Variants in CABLES1 observed in about 807,000 individuals in gnomAD.
The protein encoded by CABLES1 is Cdk5 and Abl enzyme substrate 1, also known as CDK5 and ABL1 enzyme substrate 1.
In CABLES1, 36 loss-of-function variants were observed where a neutral mutation model predicts 57.8. That is an observed-to-expected ratio of 0.62 (90% CI 0.48 to 0.82). The LOEUF is 0.82. Among genes scored for constraint, CABLES1 ranks in the 40% least tolerant of loss-of-function variants. CABLES1 has a pLI of 0.00. For missense variants in CABLES1, 767 were observed against 836.6 expected (o/e 0.92, Z 1.03); for synonymous variants, 374 against 363.0 (o/e 1.03, Z -0.35).
chr18:23,200,291 A>G (rs1326789218), intron 3 of CABLES1, among the ~76,000 whole-genome samples: 5 of 151,368 alleles, frequency 3.3e-5, no homozygotes, highest in Admixed American at 1.3e-4. Context: ...ATGGAGTCTC[A>G]CTCTGTCTCC....
chr18:23,224,975 C>T (rs563748494), intron 4 of CABLES1, among the ~76,000 whole-genome samples: 174 of 152,274 alleles, frequency 1.1e-3, no homozygotes, highest in African/African-American at 4.0e-3. Flanking sequence ...TCAAGCGATC[C>T]TCCTACCTCA....
chr18:23,187,548 G>A (rs980443675), intron 1 of CABLES1, among the ~76,000 whole-genome samples: 4 of 152,214 alleles, frequency 2.6e-5, no homozygotes, highest in African/African-American at 4.8e-5. Context: ...CACCACACCC[G>A]GCTAATTTTT....
chr18:23,143,953 C>T (rs763509175), intron 1 of CABLES1, among the ~76,000 whole-genome samples: 24 of 152,216 alleles, frequency 1.6e-4, no homozygotes, highest in Admixed American at 5.9e-4. Flanking sequence ...CAACCTCCCC[C>T]GCTCCCACAC....
intron 1 of CABLES1, among the ~76,000 whole-genome samples, chr18:23,168,185 C>T (rs1323689028): frequency 6.6e-6 from 1 of 152,174 alleles, no homozygotes; most frequent in Non-Finnish European, 1.5e-5. Flanking sequence ...ACCTTAGTCA[C>T]AATAGCCAAA....
chr18:23,178,712 T>G (rs1191872526), intron 1 of CABLES1, among the ~76,000 whole-genome samples: 1 of 152,226 alleles, frequency 6.6e-6, no homozygotes, highest in Non-Finnish European at 1.5e-5. Flanking sequence ...GCAGTTCCTG[T>G]CAGCTCTAAA....
chr18:23,217,173 C>G (rs1342970607), intron 4 of CABLES1, among the ~76,000 whole-genome samples: 1 of 152,154 alleles, frequency 6.6e-6, no homozygotes, highest in Non-Finnish European at 1.5e-5. Flanking sequence ...TCTCGAACTC[C>G]TACGCTCGAG....
chr18:23,175,984 A>G (rs184631422), intron 1 of CABLES1, among the ~76,000 whole-genome samples: 2 of 152,396 alleles, frequency 1.3e-5, no homozygotes, highest in Admixed American at 6.5e-5. Context: ...GTATTTAGAT[A>G]TGAATATTTC....
rs1341002647 is a variant in CABLES1, at chr18:23,136,059, C to CCAAGCCG, written c.297_298insCAAGCCG (p.Gly100GlnfsTer202). 2 of 705,066 alleles carry CCAAGCCG rather than the reference C, an allele frequency of 2.8e-6. No individual in the cohort carries two copies. The highest frequency in any genetic ancestry group is 6.1e-5 in the African/African-American group (2 of 32,832). 43.7% of individuals were successfully genotyped at this position (705,066 alleles called of 1,614,324 possible). ...GCGGCGCGGCCAAGCCGGGCGCCGG[C>CCAAGCCG]GGCGCCTGCGGCGCGAGGACTCGGT... On this transcript the variant is annotated frameshift_variant, in exon 1 of 10. Transcript: ENST00000256925. LOFTEE classifies it high-confidence loss of function.
intron 4 of CABLES1, chr18:23,219,227 C>T (rs1410153383): frequency 2.2e-6 from 1 of 454,122 alleles, no homozygotes; most frequent in South Asian, 1.6e-5. Flanking sequence ...GTGGAGCCTA[C>T]TCTCCGTGCC....
At chr18:23,200,558 G>A (rs1034200716) in intron 3 of CABLES1, among the ~76,000 whole-genome samples, 9 of 151,980 alleles carry the variant, frequency 5.9e-5, no homozygotes, top group South Asian at 2.1e-4. Context: ...CACCGTGCCC[G>A]GTCAGGAGAG....
At chr18:23,245,328 C>T (rs1306510099) in intron 7 of CABLES1, among the ~76,000 whole-genome samples, 2 of 151,896 alleles carry the variant, frequency 1.3e-5, no homozygotes, top group African/African-American at 2.4e-5. Flanking sequence ...GCCAACATGG[C>T]GAAACCCCAT....
intron 1 of CABLES1, among the ~76,000 whole-genome samples, chr18:23,152,599 C>G (rs2046938138): frequency 6.6e-6 from 1 of 151,522 alleles, no homozygotes; most frequent in African/African-American, 2.4e-5. Context: ...ATTCTTATGC[C>G]TCAGCCTCCC....
In CABLES1 at chr18:23,253,768, T is replaced by C; in HGVS notation, c.1593T>C (p.Cys531=). The change falls in exon 9 of 10, where the codon TGT becomes TGC. Residue 531 remains cysteine, a synonymous_variant. Transcript: ENST00000256925. ...TGCGGAAGCTTGCGCAGGAGGACTG[T>C]GGCCTTGAGGAGCCCACGGTGGCCA... ...REMRKLAQED[C]GLEEPTVAMA... 4 of 1,614,204 alleles carry C rather than the reference T, an allele frequency of 2.5e-6. No homozygotes were observed. Among genetic ancestry groups the C allele is most frequent in the Non-Finnish European group, 3.4e-6 (4 of 1,180,032 alleles).
At chr18:23,236,127 C>G in intron 6 of CABLES1, 76 bp downstream of exon 6, 5 of 1,499,582 alleles carry the variant, frequency 3.3e-6, no homozygotes, top group Non-Finnish European at 4.5e-6. Flanking sequence ...ATTGAGTCTC[C>G]CTGTGATGCA....
chr18:23,246,072 C>T (rs1261490192), intron 7 of CABLES1, among the ~76,000 whole-genome samples: 1 of 152,138 alleles, frequency 6.6e-6, no homozygotes, highest in South Asian at 2.1e-4. Context: ...TCGAGACCAT[C>T]CTGGCCAACG....
chr18:23,143,101 A>T (rs1221864911), intron 1 of CABLES1, among the ~76,000 whole-genome samples: 3 of 152,068 alleles, frequency 2.0e-5, no homozygotes, highest in Non-Finnish European at 2.9e-5. Context: ...AGCTGAACTG[A>T]GCAGAAGTTG....
chr18:23,244,566 G>A (rs988766623), intron 7 of CABLES1, among the ~76,000 whole-genome samples: 1 of 152,240 alleles, frequency 6.6e-6, no homozygotes, highest in African/African-American at 2.4e-5. Flanking sequence ...ATTTAGTCGA[G>A]GGCCACCGTT....
chr18:23,173,381 C>G (rs2047097592), intron 1 of CABLES1, among the ~76,000 whole-genome samples: 2 of 152,190 alleles, frequency 1.3e-5, no homozygotes, highest in African/African-American at 4.8e-5. Context: ...GCCCTCCCAA[C>G]CATCCAGCTC....
intron 1 of CABLES1, among the ~76,000 whole-genome samples, chr18:23,145,296 C>A (rs2046884983): frequency 6.6e-6 from 1 of 151,922 alleles, no homozygotes; most frequent in South Asian, 2.1e-4. Flanking sequence ...TGGGCTCGAT[C>A]TCTTGACCTC....
Sources: gnomAD v4.1 joint callset for allele counts (sites outside exome capture counted in the v4.1 genomes callset) on GRCh38, gnomAD v4.1.1 for gene constraint, MANE v1.5 for transcripts, NCBI Gene and HGNC (gene_info 2026-07-23, HGNC 2026-07-21) for gene names.